Variants in CREB5 observed in about 807,000 individuals in gnomAD.
The protein encoded by CREB5 is cyclic AMP-responsive element-binding protein 5.
CREB5 carries 19 observed loss-of-function variants against 57.1 expected under a neutral mutation model. That is an observed-to-expected ratio of 0.33 (90% CI 0.23 to 0.49). The LOEUF is 0.49. CREB5 is among the 20% of genes least tolerant of loss of function. The pLI is 0.99. For missense variants in CREB5, 579 were observed against 671.6 expected (o/e 0.86, Z 1.52); for synonymous variants, 238 against 238.3 (o/e 1.00, Z 0.01).
intron 1 of CREB5, among the ~76,000 whole-genome samples, chr7:28,324,867 TC>T (rs781525450): frequency 2.0e-5 from 3 of 152,222 alleles, no homozygotes; most frequent in Non-Finnish European, 2.9e-5. Context: ...AATCATCCTA[TC>T]TCAGTAAATA....
intron 3 of CREB5, among the ~76,000 whole-genome samples, chr7:28,500,026 T>C (rs1017069522): frequency 2.0e-5 from 3 of 152,232 alleles, no homozygotes; most frequent in African/African-American, 7.2e-5. Context: ...GTTGCCCTTC[T>C]ACAGCCATGT....
intron 5 of CREB5, among the ~76,000 whole-genome samples, chr7:28,679,052 C>CTTTTTTTTTTTTTTTTTTTT (rs56266854): frequency 8.1e-6 from 1 of 123,864 alleles, no homozygotes. Flanking sequence ...TTTTGTAGTT[C>CTTTTTTTTTTTTTTTTTTTT]TTTTTTTTTT....
At chr7:28,417,257 C>CT (rs1372997345) in intron 1 of CREB5, among the ~76,000 whole-genome samples, 4 of 152,034 alleles carry the variant, frequency 2.6e-5, no homozygotes, top group Non-Finnish European at 5.9e-5. Flanking sequence ...TTTAATAACA[C>CT]TTTGATTTAA....
At chr7:28,685,886 T>C (rs925691777) in intron 5 of CREB5, 6 of 406,676 alleles carry the variant, frequency 1.5e-5, no homozygotes, top group Non-Finnish European at 2.6e-5. Flanking sequence ...TTTGGTTACA[T>C]TGAAGTTTTT....
At chr7:28,482,171 C>T (rs539652850) in intron 1 of CREB5, among the ~76,000 whole-genome samples, 34 of 152,224 alleles carry the variant, frequency 2.2e-4, no homozygotes, top group African/African-American at 7.9e-4. Flanking sequence ...ATGCAATATC[C>T]CTCCCAAAGA....
intron 4 of CREB5, among the ~76,000 whole-genome samples, chr7:28,565,717 T>A (rs1273743487): frequency 6.6e-6 from 1 of 152,156 alleles, no homozygotes; most frequent in Non-Finnish European, 1.5e-5. Flanking sequence ...GGTCAGGAGT[T>A]CAAGACCAGC....
chr7:28,760,846 C>T (rs891293610), intron 7 of CREB5, among the ~76,000 whole-genome samples: 6 of 152,032 alleles, frequency 3.9e-5, no homozygotes, highest in East Asian at 3.9e-4. Context: ...GAAATTGTTG[C>T]GGAATCTAAG....
intron 1 of CREB5, among the ~76,000 whole-genome samples, chr7:28,464,710 TAA>T (rs397743366): frequency 0.018 from 2,643 of 146,294 alleles, 64 homozygotes; most frequent in African/African-American, 0.061. Flanking sequence ...AAGTTATTTT[TAA>T]AAAAAAAAAA....
intron 4 of CREB5, among the ~76,000 whole-genome samples, chr7:28,524,234 C>T (rs1321365205): frequency 3.3e-5 from 5 of 151,480 alleles, no homozygotes; most frequent in South Asian, 2.1e-4. Flanking sequence ...CTCAGCATTT[C>T]GGGAGTCAAA....
intron 1 of CREB5, among the ~76,000 whole-genome samples, chr7:28,431,399 T>C (rs911016560): frequency 4.6e-5 from 7 of 152,156 alleles, no homozygotes; most frequent in Non-Finnish European, 1.0e-4. Flanking sequence ...GTAAGCACCA[T>C]TGTTCCCCCA....
chr7:28,778,740 G>A (rs1806803893), intron 7 of CREB5, among the ~76,000 whole-genome samples: 1 of 152,082 alleles, frequency 6.6e-6, no homozygotes, highest in Non-Finnish European at 1.5e-5. Context: ...ATAGGATCCA[G>A]AATATTAAAC....
At chr7:28,377,025 G>A (rs1375965405) in intron 1 of CREB5, among the ~76,000 whole-genome samples, 1 of 152,190 alleles carries the variant, frequency 6.6e-6, no homozygotes, top group Non-Finnish European at 1.5e-5. Context: ...GCCCTCTGTG[G>A]CAATGCCTTA....
chr7:28,716,138 AT>A (rs958898960), intron 5 of CREB5, among the ~76,000 whole-genome samples: 8 of 151,890 alleles, frequency 5.3e-5, no homozygotes, highest in South Asian at 2.1e-4. Context: ...TTTTTCTCTA[AT>A]TTTTTTTAAT....
At chr7:28,515,066 C>T (rs1237563825) in intron 4 of CREB5, among the ~76,000 whole-genome samples, 1 of 152,148 alleles carries the variant, frequency 6.6e-6, no homozygotes, top group Non-Finnish European at 1.5e-5. Flanking sequence ...AATCAAAGGA[C>T]TTACATATTC....
chr7:28,704,064 A>G (rs546472263), intron 5 of CREB5, among the ~76,000 whole-genome samples: 17 of 152,344 alleles, frequency 1.1e-4, no homozygotes, highest in Non-Finnish European at 2.2e-4. Flanking sequence ...CAAAATGTCC[A>G]GTTTAAACCT....
intron 5 of CREB5, among the ~76,000 whole-genome samples, chr7:28,707,774 T>C (rs1292482500): frequency 2.0e-5 from 3 of 152,264 alleles, no homozygotes; most frequent in African/African-American, 7.2e-5. Context: ...CACATGCTGC[T>C]GATGTACTGT....
chr7:28,542,578 G>A (rs1418007687), intron 4 of CREB5, among the ~76,000 whole-genome samples: 1 of 152,086 alleles, frequency 6.6e-6, no homozygotes, highest in Non-Finnish European at 1.5e-5. Flanking sequence ...GTGCACGGGT[G>A]TGTGTGTGAG....
At chr7:28,655,881 C>T (rs945317348) in intron 5 of CREB5, among the ~76,000 whole-genome samples, 4 of 151,926 alleles carry the variant, frequency 2.6e-5, no homozygotes, top group East Asian at 3.9e-4. Flanking sequence ...AAATGTCTGC[C>T]GTCAACTGAG....
At chr7:28,651,012 A>C (rs542998642) in intron 5 of CREB5, among the ~76,000 whole-genome samples, 1 of 152,194 alleles carries the variant, frequency 6.6e-6, no homozygotes, top group African/African-American at 2.4e-5. Flanking sequence ...CAGCAATCCA[A>C]CATTGGCAGT....
Sources: gnomAD v4.1 joint callset for allele counts (sites outside exome capture counted in the v4.1 genomes callset) on GRCh38, gnomAD v4.1.1 for gene constraint, MANE v1.5 for transcripts, NCBI Gene and HGNC (gene_info 2026-07-23, HGNC 2026-07-21) for gene names.